ZDHHC2: variants seen among roughly 807,000 people sequenced by gnomAD.
ZDHHC2 encodes zDHHC palmitoyltransferase 2.
ZDHHC2 carries 51 observed loss-of-function variants against 55.6 expected under a neutral mutation model. The observed-to-expected ratio is 0.92, with a 90% CI of 0.73 to 1.16. ZDHHC2 has a LOEUF of 1.16. Among genes scored for constraint, ZDHHC2 ranks in the 50% most tolerant of loss-of-function variants. The pLI is 0.00. For missense variants in ZDHHC2, 491 were observed against 442.4 expected (o/e 1.11, Z -0.99); for synonymous variants, 199 against 152.9 (o/e 1.30, Z -2.22).
At chr8:17,178,131 A>G (rs73198508) in intron 1 of ZDHHC2, among the ~76,000 whole-genome samples, 1 of 152,206 alleles carries the variant, frequency 6.6e-6, no homozygotes, top group South Asian at 2.1e-4. Flanking sequence ...TGAATTTTGG[A>G]TATATTTATG....
At chr8:17,196,290 A>C (rs890667940) in intron 4 of ZDHHC2, among the ~76,000 whole-genome samples, 1 of 152,168 alleles carries the variant, frequency 6.6e-6, no homozygotes, top group Non-Finnish European at 1.5e-5. Context: ...CGCTAGCCCC[A>C]TGTGGCTGTT....
intron 10 of ZDHHC2, among the ~76,000 whole-genome samples, chr8:17,213,571 T>C (rs1269907241): frequency 6.6e-6 from 1 of 152,142 alleles, no homozygotes; most frequent in African/African-American, 2.4e-5. Flanking sequence ...TTGATTGTTA[T>C]AGCTCTTATT....
Position 17,215,339 on chromosome 8 carries a change from A to G in ZDHHC2, c.1053A>G (p.Lys351=). 1 of 1,580,212 alleles carries G rather than the reference A, an allele frequency of 6.3e-7. No homozygotes were observed. Among genetic ancestry groups the G allele is most frequent in the Non-Finnish European group, 8.6e-7 (1 of 1,162,140 alleles). The stretch of plus-strand genomic sequence containing the variant: ...CGGAGAGCAGCATAAACCCAGGAAA[A>G]TGCAAAGCTGGTAAGGGTGTGCTTG... The part of the protein sequence containing the change: ...SWTESSINPG[K]CKAGMSNPAL... The change falls in exon 11 of 13, where the codon AAA becomes AAG. Residue 351 remains lysine (K), a synonymous_variant. Coordinates refer to ENST00000262096, the MANE Select transcript of ZDHHC2 (RefSeq NM_016353.5).
Position 17,188,605 on chromosome 8 carries a change from T to G in ZDHHC2, c.252+2180T>G, listed in dbSNP as rs145505677. Among the ~76,000 whole-genome samples, 5 of 152,314 alleles carry G rather than the reference T, an allele frequency of 3.3e-5. No individual in the cohort carries two copies. In the East Asian group the frequency reaches 7.7e-4, roughly 24 times the overall value. On this transcript the variant is annotated intron_variant, in intron 3 of 12. Coordinates refer to ENST00000262096, the MANE Select transcript of ZDHHC2 (RefSeq NM_016353.5). Reference sequence around the variant, plus strand: ...CAAAGCATTGGAATGTTCCAGAGCTTAATCCCTGGACTTCTCTTCTTATAT... The same window carrying G: ...CAAAGCATTGGAATGTTCCAGAGCTGAATCCCTGGACTTCTCTTCTTATAT...
intron 1 of ZDHHC2, among the ~76,000 whole-genome samples, chr8:17,182,631 A>C (rs1247683003): frequency 6.6e-6 from 1 of 151,830 alleles, no homozygotes; most frequent in East Asian, 1.9e-4. Context: ...ATTTAGGGAA[A>C]AGCAAACTGT....
At chr8:17,199,491 T>TTCTTCG (rs1806525917) in intron 6 of ZDHHC2, among the ~76,000 whole-genome samples, 3 of 37,302 alleles carry the variant, frequency 8.0e-5, no homozygotes, top group Non-Finnish European at 2.1e-4. Context: ...CTTCTTCTTC[T>TTCTTCG]TCTTCTTCTT....
At chr8:17,214,174 C>G (rs764080270) in intron 10 of ZDHHC2, among the ~76,000 whole-genome samples, 1 of 152,004 alleles carries the variant, frequency 6.6e-6, no homozygotes, top group Non-Finnish European at 1.5e-5. Context: ...ATAATGTTTC[C>G]TAAGTGAAAT....
chr8:17,184,428 G>C (rs1805601063), intron 1 of ZDHHC2, among the ~76,000 whole-genome samples: 1 of 152,230 alleles, frequency 6.6e-6, no homozygotes, highest in Admixed American at 6.5e-5. Context: ...AATGCCTGCG[G>C]AAATGTAATG....
At chr8:17,172,832 C>T (rs531283591) in intron 1 of ZDHHC2, among the ~76,000 whole-genome samples, 3 of 152,178 alleles carry the variant, frequency 2.0e-5, no homozygotes, top group Non-Finnish European at 4.4e-5. Flanking sequence ...ATCTCTTACT[C>T]TTTCTAGTAT....
chr8:17,170,341 G>T (rs984245895), intron 1 of ZDHHC2, among the ~76,000 whole-genome samples: 1 of 152,166 alleles, frequency 6.6e-6, no homozygotes, highest in African/African-American at 2.4e-5. Flanking sequence ...TGGTGCTAGT[G>T]TTGGTTTAAA....
At chr8:17,169,575 C>T (rs146940922) in intron 1 of ZDHHC2, among the ~76,000 whole-genome samples, 9 of 152,108 alleles carry the variant, frequency 5.9e-5, no homozygotes, top group Non-Finnish European at 1.3e-4. Context: ...GGAAGTATGC[C>T]GTGAATGCAT....
chr8:17,219,221 G>T (rs185216289), intron 12 of ZDHHC2, among the ~76,000 whole-genome samples: 1 of 126,700 alleles, frequency 7.9e-6, no homozygotes, highest in African/African-American at 3.0e-5. Flanking sequence ...TTGCACTCCA[G>T]CCTGGGAGCT....
intron 4 of ZDHHC2, among the ~76,000 whole-genome samples, chr8:17,197,083 C>A (rs945464485): frequency 7.2e-5 from 11 of 152,178 alleles, no homozygotes; most frequent in East Asian, 3.9e-4. Context: ...GGTATATTTA[C>A]CCTGTAAGGC....
intron 6 of ZDHHC2, among the ~76,000 whole-genome samples, chr8:17,203,443 A>G (rs1228125483): frequency 6.6e-6 from 1 of 151,996 alleles, no homozygotes; most frequent in Non-Finnish European, 1.5e-5. Flanking sequence ...AGACCATGCC[A>G]GGCTGGTCTT....
chr8:17,187,143 T>G (rs1487649798), intron 3 of ZDHHC2, among the ~76,000 whole-genome samples: 1 of 152,210 alleles, frequency 6.6e-6, no homozygotes, highest in Non-Finnish European at 1.5e-5. Context: ...GATGACCATG[T>G]TAAACATGAG....
rs1171884134 is a variant in ZDHHC2, at chr8:17,224,114, A to C, written c.*3893A>C. ...ATGCAGTCCAGGTATCTAATAGCTC[A>C]ATCACCAACACCGCTGAGAATTGTT... is the stretch of plus-strand genomic sequence containing the variant. On this transcript the variant is annotated 3_prime_UTR_variant, in exon 13 of 13. Coordinates refer to ENST00000262096, the MANE Select transcript of ZDHHC2 (RefSeq NM_016353.5). The C allele has an allele frequency of 6.6e-6, 1 of 151,730 alleles. No homozygotes were observed. The highest frequency in any genetic ancestry group is 1.5e-5 in the Non-Finnish European group (1 of 67,706). The allele number at this position is 151,730 out of a possible 1,614,324, so 9.4% of individuals were successfully genotyped here.
At chr8:17,220,068 A>G (rs1191208360) in intron 12 of ZDHHC2, among the ~76,000 whole-genome samples, 188 bp from the exon 13 acceptor site, 1 of 152,008 alleles carries the variant, frequency 6.6e-6, no homozygotes, top group Non-Finnish European at 1.5e-5. Flanking sequence ...ATCCTTTCGT[A>G]TATGCATATT....
chr8:17,199,173 T>C (rs1806484373), intron 6 of ZDHHC2, among the ~76,000 whole-genome samples: 1 of 152,140 alleles, frequency 6.6e-6, no homozygotes, highest in Admixed American at 6.6e-5. Flanking sequence ...GAAATATATG[T>C]AGGGAATGGT....
At chr8:17,175,379 T>C (rs911335920) in intron 1 of ZDHHC2, among the ~76,000 whole-genome samples, 9 of 152,222 alleles carry the variant, frequency 5.9e-5, no homozygotes, top group African/African-American at 2.2e-4. Flanking sequence ...TTATTCACGC[T>C]TAAAAGGCTT....
Sources: allele counts gnomAD v4.1 joint callset (sites outside exome capture counted in the v4.1 genomes callset), GRCh38; gene constraint gnomAD v4.1.1; transcripts MANE v1.5; gene names NCBI Gene and HGNC (gene_info 2026-07-23, HGNC 2026-07-21).